The following PDE4D variants were observed in gnomAD, a reference collection of about 807,000 sequenced individuals.
PDE4D encodes the protein phosphodiesterase 4D, also known as 3',5'-cyclic-AMP phosphodiesterase 4D.
In PDE4D, 24 loss-of-function variants were observed where a neutral mutation model predicts 87.4. The observed-to-expected ratio is 0.27, with a 90% CI of 0.20 to 0.39. The LOEUF (loss-of-function observed/expected upper bound fraction) is 0.39, where lower values mean the gene tolerates loss of function less well. Among genes scored for constraint, PDE4D ranks in the 10% least tolerant of loss-of-function variants. The probability of loss-of-function intolerance (pLI) is 1.00; values close to 1 mark genes in which losing one functional copy is unlikely to be tolerated. For synonymous variants in PDE4D, 384 were observed against 383.2 expected (o/e 1.00, Z -0.02); for missense variants, 714 against 1,041.0 (o/e 0.69, Z 4.32).
chr5:59,522,362 T>A lies in PDE4D; in HGVS notation c.456-306394A>T, dbSNP rs532499549. Among the ~76,000 whole-genome samples the A allele has an allele frequency of 2.7e-3, 408 of 152,356 alleles. 2 individuals carry two copies. Among genetic ancestry groups the A allele is most frequent in the African/African-American group, 9.2e-3 (381 of 41,592 alleles). ...ACTCAGGGCACTGGAGTGCACTTTA[T>A]GCTCCAACAAACCCAAGACTTAGAG... On this transcript the variant is annotated intron_variant, in intron 1 of 14. Transcript: ENST00000340635.
intron 1 of PDE4D, among the ~76,000 whole-genome samples, chr5:60,254,830 T>C (rs1258695066): frequency 2.0e-5 from 3 of 151,882 alleles, no homozygotes; most frequent in African/African-American, 7.2e-5. Flanking sequence ...GGTATATACA[T>C]CATAAGGTCA....
At chr5:59,830,003 C>T (rs925310991) in intron 1 of PDE4D, among the ~76,000 whole-genome samples, 4 of 151,312 alleles carry the variant, frequency 2.6e-5, no homozygotes, top group Non-Finnish European at 4.4e-5. Context: ...AACTGAAATG[C>T]TCAGTGTCAC....
chr5:59,200,980 T>C (rs2153494133), intron 2 of PDE4D, among the ~76,000 whole-genome samples: 1 of 152,218 alleles, frequency 6.6e-6, no homozygotes, highest in South Asian at 2.1e-4. Context: ...ACCATAAAAA[T>C]TATACATGCC....
At chr5:59,300,553 TTAAA>T (rs1339149490) in intron 1 of PDE4D, among the ~76,000 whole-genome samples, 3 of 152,196 alleles carry the variant, frequency 2.0e-5, no homozygotes, top group African/African-American at 7.2e-5. Context: ...TTTGAATGTC[TTAAA>T]TAAAAAGCAT....
chr5:59,652,271 A>G (rs2150244087), intron 1 of PDE4D, among the ~76,000 whole-genome samples: 1 of 152,354 alleles, frequency 6.6e-6, no homozygotes. Flanking sequence ...AAAGTACACC[A>G]TTAGTCTCTG....
chr5:59,653,784 T>C (rs1251274587), intron 1 of PDE4D, among the ~76,000 whole-genome samples: 2 of 151,596 alleles, frequency 1.3e-5, no homozygotes, highest in Non-Finnish European at 2.9e-5. Flanking sequence ...ATAATATCTA[T>C]TTATGAGTGG....
At chr5:60,298,821 G>A (rs1339092760) in intron 1 of PDE4D, among the ~76,000 whole-genome samples, 4 of 152,202 alleles carry the variant, frequency 2.6e-5, no homozygotes, top group Middle Eastern at 6.8e-3. Flanking sequence ...CTTGTTCTTT[G>A]GTTTGTGTCA....
At position 59,893,280 on chromosome 5, in the gene PDE4D, A is replaced by G. The variant is rs1488775661; in HGVS notation, c.343T>C (p.Tyr115His). Residue 115 changes from tyrosine to histidine, a missense_variant, in exon 1 of 15, where the codon TAC becomes CAC. Tyr to His is a moderately conservative substitution (Grantham distance 83). Coordinates refer to ENST00000340635, the MANE Select transcript of PDE4D (RefSeq NM_001104631.2). ...RHRGYSDTER[Y>H]LYCRAMDRTS... Reference sequence around the variant, plus strand: ...CGGTCCATGGCGCGACAGTACAGGTAGCGCTCGGTGTCCGAGTAGCCGCGA... The same window carrying G: ...CGGTCCATGGCGCGACAGTACAGGTGGCGCTCGGTGTCCGAGTAGCCGCGA... The G allele has an allele frequency of 6.5e-7, 1 of 1,547,918 alleles. No individual in the cohort carries two copies. The highest frequency in any genetic ancestry group is 2.5e-5 in the East Asian group (1 of 40,574).
intron 1 of PDE4D, among the ~76,000 whole-genome samples, chr5:59,384,230 A>G (rs778593149): frequency 1.3e-5 from 2 of 152,094 alleles, no homozygotes; most frequent in African/African-American, 2.4e-5. Context: ...CTTAACAATT[A>G]TTATGAGAGA....
At chr5:60,050,749 T>A (rs959551582) in intron 2 of PDE4D, among the ~76,000 whole-genome samples, 1 of 152,208 alleles carries the variant, frequency 6.6e-6, no homozygotes, top group East Asian at 1.9e-4. Flanking sequence ...GCAAATTGGA[T>A]AAAGAGGCAA....
At chr5:59,985,123 C>CCTTTTTTTTTTT (rs1561944275) in intron 3 of PDE4D, among the ~76,000 whole-genome samples, 1 of 80,244 alleles carries the variant, frequency 1.2e-5, no homozygotes, top group Non-Finnish European at 3.2e-5. Flanking sequence ...CTTCACCTTT[C>CCTTTTTTTTTTT]GTTTTTTGTT....
At chr5:59,470,478 CA>C (rs1802275304) in intron 1 of PDE4D, among the ~76,000 whole-genome samples, 1 of 152,070 alleles carries the variant, frequency 6.6e-6, no homozygotes, top group African/African-American at 2.4e-5. Context: ...TTCCAACTAC[CA>C]AAATACCATA....
chr5:59,899,217 C>A (rs1213366182), intron 3 of PDE4D, among the ~76,000 whole-genome samples: 1 of 152,084 alleles, frequency 6.6e-6, no homozygotes, highest in South Asian at 2.1e-4. Context: ...AAGAACTGTG[C>A]TAGTCCTCTG....
Position 59,839,603 on chromosome 5 carries a change from G to A in PDE4D, c.455+53565C>T, listed in dbSNP as rs780702850. On this transcript the variant is annotated intron_variant, in intron 1 of 14. Transcript: ENST00000340635. ...TAATTTAGGCTTTCCCAAGCTGCTC[G>A]ATGATATGATGCAGTGTTGCTTTAG... Among the ~76,000 whole-genome samples, 11 of 152,050 alleles carry A rather than the reference G, an allele frequency of 7.2e-5. 1 individual carries two copies. Among genetic ancestry groups the A allele is most frequent in the South Asian group, 4.2e-4 (2 of 4,812 alleles).
chr5:59,203,414 G>A (rs892725818), intron 2 of PDE4D, among the ~76,000 whole-genome samples: 2 of 152,000 alleles, frequency 1.3e-5, no homozygotes, highest in African/African-American at 4.8e-5. Flanking sequence ...CAGTCACTAT[G>A]GAAAACAGTA....
intron 1 of PDE4D, among the ~76,000 whole-genome samples, chr5:60,345,304 G>A (rs905619849): frequency 2.0e-5 from 3 of 151,934 alleles, no homozygotes; most frequent in Non-Finnish European, 4.4e-5. Context: ...CGTGGGGTGG[G>A]GGAAGGGGGA....
Position 58,977,348 on chromosome 5 carries a change from G to A in PDE4D, c.1553-3C>T. 6.3e-7 allele frequency: 1 copy of A among 1,599,928 alleles called. No individual in the cohort carries two copies. The highest frequency in any genetic ancestry group is 1.1e-5 in the South Asian group (1 of 87,612). On this transcript the variant is annotated splice_region_variant and splice_polypyrimidine_tract_variant and intron_variant, in intron 11 of 14. Transcript: ENST00000340635. ...GTACATCAAGGCAAGTTCAGAGTCT[G>A]TAAAAAAGACAAAAGGCCAAAGATC...
chr5:59,098,280 G>A (rs1312887398), intron 5 of PDE4D, among the ~76,000 whole-genome samples: 2 of 152,088 alleles, frequency 1.3e-5, no homozygotes, highest in Non-Finnish European at 2.9e-5. Flanking sequence ...CTCCAATACT[G>A]CAAAGAGAAA....
intron 1 of PDE4D, among the ~76,000 whole-genome samples, chr5:59,639,836 T>A (rs1741255287): frequency 6.6e-6 from 1 of 151,238 alleles, no homozygotes; most frequent in African/African-American, 2.4e-5. Flanking sequence ...TGTGTGTGTG[T>A]GTGTGTGTGT....
Sources: gnomAD v4.1 joint callset for allele counts (sites outside exome capture counted in the v4.1 genomes callset) on GRCh38, gnomAD v4.1.1 for gene constraint, MANE v1.5 for transcripts, NCBI Gene and HGNC (gene_info 2026-07-23, HGNC 2026-07-21) for gene names.